Variants in FAM222A observed in about 807,000 individuals in gnomAD.
FAM222A encodes protein FAM222A.
In FAM222A, 7 loss-of-function variants were observed where a neutral mutation model predicts 25.8. The ratio of observed to expected loss-of-function variants is 0.27; its 90% CI spans 0.15 to 0.51. The LOEUF is 0.51. Ranked by LOEUF, FAM222A falls within the 20% of genes least tolerant of loss-of-function variation. The probability of loss-of-function intolerance (pLI) is 0.97; values close to 1 mark genes in which losing one functional copy is unlikely to be tolerated. For missense variants in FAM222A, 573 were observed against 640.5 expected (o/e 0.89, Z 1.14); for synonymous variants, 294 against 298.8 (o/e 0.98, Z 0.17).
intron 2 of FAM222A, among the ~76,000 whole-genome samples, chr12:109,765,229 C>T (rs139779007): frequency 1.0e-3 from 158 of 152,384 alleles, no homozygotes; most frequent in African/African-American, 3.6e-3. Flanking sequence ...GGACCCTTTT[C>T]TGTGGCAGAG....
At chr12:109,747,774 C>A (rs1309511658) in intron 2 of FAM222A, among the ~76,000 whole-genome samples, 2 of 152,156 alleles carry the variant, frequency 1.3e-5, no homozygotes, top group Admixed American at 6.5e-5. Context: ...ACTTCTGCCA[C>A]CTTACTGAAT....
intron 2 of FAM222A, among the ~76,000 whole-genome samples, chr12:109,762,502 GC>G (rs1217996795): frequency 1.3e-5 from 2 of 152,152 alleles, no homozygotes; most frequent in Non-Finnish European, 2.9e-5. Context: ...GAAGCCGCAG[GC>G]CCCCTCCCCA....
At chr12:109,715,630 C>G (rs879777412) in intron 1 of FAM222A, among the ~76,000 whole-genome samples, 1 of 152,174 alleles carries the variant, frequency 6.6e-6, no homozygotes, top group Admixed American at 6.5e-5. Flanking sequence ...AAATCCTTAG[C>G]GCCCCATAAG....
At chr12:109,724,128 C>T (rs754357386) in intron 1 of FAM222A, among the ~76,000 whole-genome samples, 11 of 152,224 alleles carry the variant, frequency 7.2e-5, no homozygotes, top group Admixed American at 1.3e-4. Context: ...TGAGATCTGA[C>T]TGCAGAGAGG....
At chr12:109,765,177 G>A (rs932587290) in intron 2 of FAM222A, among the ~76,000 whole-genome samples, 5 of 152,236 alleles carry the variant, frequency 3.3e-5, no homozygotes, top group African/African-American at 7.2e-5. Context: ...AGTGCCCCAC[G>A]TCGGGGCCTC....
chr12:109,738,472 T>TATTC (rs1179525530), intron 1 of FAM222A, among the ~76,000 whole-genome samples: 5 of 152,190 alleles, frequency 3.3e-5, no homozygotes, highest in Non-Finnish European at 7.4e-5. Context: ...AGACTTGAAT[T>TATTC]ACAGCCAGAG....
In FAM222A at chr12:109,768,326, C is replaced by A. The variant is rs1210060133; in HGVS notation, c.397C>A (p.Arg133=). 1 of 1,601,328 alleles carries A rather than the reference C, an allele frequency of 6.2e-7. No individual in the cohort carries two copies. ...KSVLKSAEGK[R]TKLSPAAVQV... is the part of the protein sequence containing the mutation. The stretch of plus-strand genomic sequence containing the variant: ...TGTGCTCAAGAGCGCCGAGGGCAAG[C>A]GGACCAAGCTGTCACCGGCCGCCGT... Residue 133 remains arginine, a synonymous_variant, in exon 3 of 3, where the codon CGG becomes AGG. Coordinates refer to ENST00000538780, the MANE Select transcript of FAM222A (RefSeq NM_032829.3).
chr12:109,746,210 C>T (rs1441714898), intron 2 of FAM222A, among the ~76,000 whole-genome samples: 2 of 151,948 alleles, frequency 1.3e-5, no homozygotes, highest in East Asian at 3.9e-4. Context: ...TGTATGAGAC[C>T]GGGCACAGTG....
chr12:109,765,408 C>T lies in FAM222A; in HGVS notation c.83-2604C>T, dbSNP rs142964496. 8.7e-3 allele frequency among the ~76,000 whole-genome samples: 1,328 copies of T among 152,282 alleles called. 60 individuals are homozygous for T. The highest frequency in any genetic ancestry group is 0.073 in the Admixed American group (1,114 of 15,296). On this transcript the variant is annotated intron_variant, in intron 2 of 2. Coordinates refer to ENST00000538780, the MANE Select transcript of FAM222A (RefSeq NM_032829.3). Reference sequence around the variant, plus strand: ...GCAGCGAAGAGGCCCTCCCGGCCGGCCACCTCTCTTGGGCTTCTCTCTGCA... The same window carrying T: ...GCAGCGAAGAGGCCCTCCCGGCCGGTCACCTCTCTTGGGCTTCTCTCTGCA...
intron 2 of FAM222A, among the ~76,000 whole-genome samples, chr12:109,763,979 C>T (rs932228558): frequency 2.5e-4 from 38 of 152,070 alleles, no homozygotes; most frequent in Admixed American, 4.6e-4. Context: ...CCTGTAATCC[C>T]AGCACTTTGA....
At chr12:109,733,971 G>A (rs1888010758) in intron 1 of FAM222A, among the ~76,000 whole-genome samples, 1 of 152,180 alleles carries the variant, frequency 6.6e-6, no homozygotes, top group Non-Finnish European at 1.5e-5. Flanking sequence ...CCAGCACTTA[G>A]GGAGGCTGAA....
At chr12:109,758,977 C>G (rs916059965) in intron 2 of FAM222A, among the ~76,000 whole-genome samples, 10 of 152,240 alleles carry the variant, frequency 6.6e-5, no homozygotes, top group East Asian at 3.8e-4. Context: ...GCTTGCACAC[C>G]TTTCACTCTC....
chr12:109,727,833 A>T (rs1046979517), intron 1 of FAM222A, among the ~76,000 whole-genome samples: 1 of 152,134 alleles, frequency 6.6e-6, no homozygotes, highest in Non-Finnish European at 1.5e-5. Flanking sequence ...CCCACCACCA[A>T]AGTCCTGGGT....
At chr12:109,742,938 C>G (rs1888285668) in intron 1 of FAM222A, among the ~76,000 whole-genome samples, 1 of 152,166 alleles carries the variant, frequency 6.6e-6, no homozygotes, top group South Asian at 2.1e-4. Context: ...TTTAGGACTC[C>G]AGACACCTGT....
intron 2 of FAM222A, among the ~76,000 whole-genome samples, chr12:109,759,754 C>G (rs1265487663): frequency 6.6e-6 from 1 of 152,208 alleles, no homozygotes; most frequent in Non-Finnish European, 1.5e-5. Context: ...CAGATGCTGC[C>G]TGGCGGCTGC....
chr12:109,763,740 T>C (rs886547043), intron 2 of FAM222A, among the ~76,000 whole-genome samples: 20 of 152,196 alleles, frequency 1.3e-4, no homozygotes, highest in African/African-American at 4.8e-4. Context: ...AGGTCAGTCC[T>C]GTTTGGTGTG....
Position 109,768,438 on chromosome 12 carries a change from C to T in FAM222A, c.509C>T (p.Pro170Leu). Residue 170 changes from proline to leucine, a missense_variant, in exon 3 of 3, where the codon CCC (proline) becomes CTC (leucine). Physicochemically the swap from Pro to Leu is moderately conservative, Grantham distance 98. Transcript: ENST00000538780. ...PKPPEAPAPP[P>L]GLPAAATAAS... ...CCACCTGAGGCGCCTGCTCCACCAC[C>T]CGGCCTGCCCGCAGCCGCCACTGCC... 1.3e-6 allele frequency: 2 copies of T among 1,599,364 alleles called. No individual in the cohort carries two copies. Among genetic ancestry groups the T allele is most frequent in the Non-Finnish European group, 1.7e-6 (2 of 1,178,718 alleles).
intron 1 of FAM222A, among the ~76,000 whole-genome samples, chr12:109,726,569 C>T (rs1887846511): frequency 6.6e-6 from 1 of 152,232 alleles, no homozygotes. Context: ...CAGGTCCCAG[C>T]ACGCAGTAGG....
intron 1 of FAM222A, among the ~76,000 whole-genome samples, chr12:109,727,337 C>T (rs549631540): frequency 9.9e-5 from 15 of 152,202 alleles, no homozygotes; most frequent in East Asian, 1.9e-4. Context: ...GGGGGTGCTG[C>T]CAGCTGCCAT....
Sources: gnomAD v4.1 joint callset for allele counts (sites outside exome capture counted in the v4.1 genomes callset) on GRCh38, gnomAD v4.1.1 for gene constraint, MANE v1.5 for transcripts, NCBI Gene and HGNC (gene_info 2026-07-23, HGNC 2026-07-21) for gene names.